Variants in EXOC6B observed in about 807,000 individuals in gnomAD.
The protein encoded by EXOC6B is SEC15 homolog B.
A neutral mutation model predicts 113.5 loss-of-function variants in EXOC6B; 54 were observed. The observed-to-expected ratio is 0.48, with a 90% CI of 0.38 to 0.60. EXOC6B has a LOEUF of 0.60. EXOC6B is among the 20% of genes least tolerant of loss of function. The probability of loss-of-function intolerance (pLI) is 0.00; values close to 1 mark genes in which losing one functional copy is unlikely to be tolerated. For missense variants in EXOC6B, 797 were observed against 977.5 expected, an observed-to-expected ratio of 0.82 and a Z score of 2.46; for synonymous variants, 357 against 339.0, an observed-to-expected ratio of 1.05 and a Z score of -0.58.
In EXOC6B at chr2:72,184,068, T is replaced by C; in HGVS notation, c.2309+7A>G. On this transcript the variant is annotated splice_region_variant and intron_variant, in intron 21 of 21. Coordinates refer to ENST00000272427, the MANE Select transcript of EXOC6B (RefSeq NM_015189.3). Reference sequence around the variant, plus strand: ...TCCCAACACAGACCATTGGACAAGGTACTCACTTCTCAAGCAGGGTCAGAG... The same window carrying C: ...TCCCAACACAGACCATTGGACAAGGCACTCACTTCTCAAGCAGGGTCAGAG... The C allele has an allele frequency of 6.7e-7, 1 of 1,483,592 alleles. No individual in the cohort carries two copies. Among genetic ancestry groups the C allele is most frequent in the African/African-American group, 1.4e-5 (1 of 71,940 alleles). 91.9% of individuals were successfully genotyped at this position (1,483,592 alleles called of 1,614,324 possible).
At chr2:72,338,538 C>T (rs1052932205) in intron 19 of EXOC6B, among the ~76,000 whole-genome samples, 1 of 152,184 alleles carries the variant, frequency 6.6e-6, no homozygotes, top group East Asian at 1.9e-4. Flanking sequence ...GTTTTAGCTA[C>T]AGCATAGCAA....
chr2:72,438,541 T>C (rs953138265), intron 18 of EXOC6B, among the ~76,000 whole-genome samples: 1 of 152,140 alleles, frequency 6.6e-6, no homozygotes, highest in African/African-American at 2.4e-5. Flanking sequence ...TCCAGCAGTT[T>C]GAGGTTGCAG....
chr2:72,404,617 G>T (rs563201352), intron 18 of EXOC6B, among the ~76,000 whole-genome samples: 1 of 152,164 alleles, frequency 6.6e-6, no homozygotes, highest in African/African-American at 2.4e-5. Context: ...TGGACCTCCA[G>T]CAAACTCCAA....
At chr2:72,624,065 T>C (rs1203660535) in intron 6 of EXOC6B, among the ~76,000 whole-genome samples, 1 of 152,180 alleles carries the variant, frequency 6.6e-6, no homozygotes, top group Admixed American at 6.5e-5. Flanking sequence ...TCCTCTGAAA[T>C]GAAGCTAAAA....
At chr2:72,335,592 ACACG>A (rs1360996533) in intron 19 of EXOC6B, among the ~76,000 whole-genome samples, 7 of 129,066 alleles carry the variant, frequency 5.4e-5, no homozygotes, top group East Asian at 4.6e-4. Flanking sequence ...ACACACACAC[ACACG>A]CATCCCAGAA....
chr2:72,230,417 T>C (rs1244272793), intron 20 of EXOC6B, among the ~76,000 whole-genome samples: 1 of 152,222 alleles, frequency 6.6e-6, no homozygotes, highest in African/African-American at 2.4e-5. Context: ...TTTAAAGGCA[T>C]ATCACTATCT....
intron 11 of EXOC6B, among the ~76,000 whole-genome samples, chr2:72,505,928 C>T (rs1157187099): frequency 2.0e-5 from 3 of 152,114 alleles, no homozygotes; most frequent in African/African-American, 4.8e-5. Context: ...CAATTAAGTG[C>T]ATTATATTAA....
chr2:72,713,629 G>A (rs997060549), intron 6 of EXOC6B, among the ~76,000 whole-genome samples: 1 of 139,564 alleles, frequency 7.2e-6, no homozygotes, highest in Non-Finnish European at 1.5e-5. Flanking sequence ...TCCCCTTCCT[G>A]TGTCCATGTG....
At chr2:72,718,398 A>G in intron 5 of EXOC6B, 91 bp from the exon 6 acceptor site, 1 of 889,632 alleles carries the variant, frequency 1.1e-6, no homozygotes, top group South Asian at 2.0e-5. Flanking sequence ...CTGTGCATTA[A>G]CACAAATCCA....
intron 1 of EXOC6B, among the ~76,000 whole-genome samples, chr2:72,807,279 T>C (rs973234760): frequency 3.9e-5 from 6 of 152,012 alleles, no homozygotes; most frequent in African/African-American, 7.2e-5. Context: ...AAATGGGGAG[T>C]GCTTTCCCCA....
chr2:72,465,341 T>G lies in EXOC6B; in HGVS notation c.1801-2A>C. The G allele has an allele frequency of 6.4e-7, 1 of 1,564,954 alleles. No homozygotes were observed. The stretch of plus-strand genomic sequence containing the variant: ...TTCTTCAGCTGCATGTCTAGCATCC[T>G]GTGAAAAAATATAAAATTTGAAAAA... On this transcript the variant is annotated splice_acceptor_variant, in intron 17 of 21. Transcript: ENST00000272427. LOFTEE classifies it high-confidence loss of function.
chr2:72,365,246 A>T (rs980552978), intron 19 of EXOC6B, among the ~76,000 whole-genome samples: 4 of 151,894 alleles, frequency 2.6e-5, no homozygotes, highest in African/African-American at 9.7e-5. Flanking sequence ...TACTTTCATT[A>T]AAAAAAACCC....
intron 1 of EXOC6B, among the ~76,000 whole-genome samples, chr2:72,780,485 A>T (rs756728870): frequency 2.6e-5 from 4 of 152,156 alleles, no homozygotes; most frequent in Non-Finnish European, 5.9e-5. Flanking sequence ...ACAAAACTGC[A>T]TTGAAAAACC....
chr2:72,196,573 T>C (rs931670455), intron 20 of EXOC6B, among the ~76,000 whole-genome samples: 6 of 152,180 alleles, frequency 3.9e-5, no homozygotes, highest in Non-Finnish European at 5.9e-5. Context: ...AATCAATAGT[T>C]TCAGCAAAGA....
intron 1 of EXOC6B, among the ~76,000 whole-genome samples, chr2:72,751,965 C>T (rs1434917943): frequency 6.6e-6 from 1 of 152,148 alleles, no homozygotes; most frequent in African/African-American, 2.4e-5. Context: ...TTTATCCCTT[C>T]TCTTCATAGC....
chr2:72,298,593 T>C (rs1321753515), intron 20 of EXOC6B, among the ~76,000 whole-genome samples: 2 of 152,194 alleles, frequency 1.3e-5, no homozygotes, highest in Non-Finnish European at 2.9e-5. Flanking sequence ...ATGGTCTTTA[T>C]AATTTGGTAT....
chr2:72,183,930 A>G (rs1678252543), intron 21 of EXOC6B, 145 bp downstream of exon 21: 1 of 525,276 alleles, frequency 1.9e-6, no homozygotes, highest in Non-Finnish European at 3.4e-6. Context: ...AGTGACTGAG[A>G]TTGCTGACAG....
At chr2:72,361,039 GCT>G (rs1690283440) in intron 19 of EXOC6B, among the ~76,000 whole-genome samples, 1 of 151,820 alleles carries the variant, frequency 6.6e-6, no homozygotes, top group Non-Finnish European at 1.5e-5. Flanking sequence ...GCTCTGCTAT[GCT>G]CTGTCCCTTA....
intron 20 of EXOC6B, among the ~76,000 whole-genome samples, chr2:72,268,126 T>G (rs1684250365): frequency 6.6e-6 from 1 of 152,200 alleles, no homozygotes; most frequent in African/African-American, 2.4e-5. Context: ...GTTTTGTTTT[T>G]TTGAGACAGA....
Sources: allele counts gnomAD v4.1 joint callset (sites outside exome capture counted in the v4.1 genomes callset), GRCh38; gene constraint gnomAD v4.1.1; transcripts MANE v1.5; gene names NCBI Gene and HGNC (gene_info 2026-07-23, HGNC 2026-07-21).